CALN1: variants seen among roughly 807,000 people sequenced by gnomAD.
CALN1 encodes calcium-binding protein 8.
CALN1 carries 17 observed loss-of-function variants against 30.6 expected under a neutral mutation model. The observed-to-expected ratio is 0.56, with a 90% CI of 0.38 to 0.83. The LOEUF is 0.83. CALN1 is among the 40% of genes least tolerant of loss of function. The pLI is 0.00. For synonymous variants in CALN1, 156 were observed against 131.4 expected (o/e 1.19, Z -1.28); for missense variants, 291 against 354.9 (o/e 0.82, Z 1.45).
chr7:72,433,790 C>T (rs1808054765), intron 1 of CALN1, among the ~76,000 whole-genome samples: 1 of 152,126 alleles, frequency 6.6e-6, no homozygotes, highest in Admixed American at 6.6e-5. Context: ...GGAGGCGGGG[C>T]ACAGTGGATC....
chr7:72,403,557 TAGAA>T, intron 1 of CALN1, 115 bp from the exon 2 acceptor site: 1 of 474,470 alleles, frequency 2.1e-6, no homozygotes. Flanking sequence ...AGGACAATGG[TAGAA>T]ACACAATCCT....
Position 72,366,253 on chromosome 7 carries a change from A to C in CALN1, c.119+36998T>G, listed in dbSNP as rs187272177. Among the ~76,000 whole-genome samples, 270 of 152,006 alleles carry C rather than the reference A, an allele frequency of 1.8e-3. 1 individual carries two copies. Among genetic ancestry groups the C allele is most frequent in the Admixed American group, 2.3e-3 (35 of 15,250 alleles). ...CAGTGGCGCCATCTCAGCTCAATGC[A>C]ACCTCCACCTCCCAGGTTCAAGTGA... On this transcript the variant is annotated intron_variant, in intron 2 of 6. Transcript: ENST00000395275.
At chr7:72,376,448 G>A (rs749728639) in intron 2 of CALN1, among the ~76,000 whole-genome samples, 2 of 152,128 alleles carry the variant, frequency 1.3e-5, no homozygotes, top group Non-Finnish European at 2.9e-5. Context: ...GTTTTGATTT[G>A]TATTTCTCTA....
chr7:72,172,761 T>G (rs1390729625), intron 3 of CALN1, among the ~76,000 whole-genome samples: 1 of 152,184 alleles, frequency 6.6e-6, no homozygotes, highest in Admixed American at 6.5e-5. Flanking sequence ...GTATAATCTC[T>G]CAGCAAATTA....
intron 3 of CALN1, among the ~76,000 whole-genome samples, chr7:72,124,785 CAAAT>C (rs1233561721): frequency 1.4e-5 from 2 of 144,820 alleles, no homozygotes; most frequent in African/African-American, 5.1e-5. Context: ...AGAAAAAAAA[CAAAT>C]GAACTGACCT....
chr7:71,865,723 G>T lies in CALN1; in HGVS notation c.502-55231C>A, dbSNP rs912471791. ...TGGTAATATTTCACATCTCATCTAG[G>T]TGCTGTTTAGTCAAGGGTATTGAGT... On this transcript the variant is annotated intron_variant, in intron 5 of 6. Transcript: ENST00000395275. Among the ~76,000 whole-genome samples the T allele has an allele frequency of 5.3e-5, 8 of 152,222 alleles. No individual in the cohort carries two copies. In the East Asian group the frequency reaches 1.5e-3, roughly 29 times the overall value.
At chr7:72,112,185 G>A (rs1009189427) in intron 3 of CALN1, among the ~76,000 whole-genome samples, 2 of 152,152 alleles carry the variant, frequency 1.3e-5, no homozygotes, top group African/African-American at 2.4e-5. Flanking sequence ...ATCGCAGGGA[G>A]GAGACTCATT....
At chr7:72,150,672 G>GCTA (rs897382735) in intron 3 of CALN1, among the ~76,000 whole-genome samples, 19 of 152,144 alleles carry the variant, frequency 1.2e-4, no homozygotes, top group Admixed American at 2.0e-4. Flanking sequence ...GCTGAGAAAG[G>GCTA]CTACATTGGG....
chr7:72,043,633 T>C (rs913066644), intron 4 of CALN1, among the ~76,000 whole-genome samples: 2 of 151,964 alleles, frequency 1.3e-5, no homozygotes, highest in Non-Finnish European at 2.9e-5. Context: ...TGGCCAGGCA[T>C]GATGTCACTA....
chr7:72,147,046 A>ACATAGG (rs1444491364), intron 3 of CALN1, among the ~76,000 whole-genome samples: 1 of 152,246 alleles, frequency 6.6e-6, no homozygotes, highest in Non-Finnish European at 1.5e-5. Context: ...ACCATTCAGG[A>ACATAGG]CATAGGCATA....
At position 72,403,372 on chromosome 7, in the gene CALN1, G is replaced by T; in HGVS notation, c.-3C>A. Reference sequence around the variant, plus strand: ...CCGGGTTGCTCTGGCAGCCGCATCGGGGGTCCAGGGCGATGTTCTCAGAGA... The same window carrying T: ...CCGGGTTGCTCTGGCAGCCGCATCGTGGGTCCAGGGCGATGTTCTCAGAGA... On this transcript the variant is annotated 5_prime_UTR_variant, in exon 2 of 7. Coordinates refer to ENST00000395275, the MANE Select transcript of CALN1 (RefSeq NM_031468.4). 6.5e-7 allele frequency: 1 copy of T among 1,544,290 alleles called. No homozygotes were observed. Among genetic ancestry groups the T allele is most frequent in the Non-Finnish European group, 8.7e-7 (1 of 1,145,502 alleles).
At chr7:71,921,528 A>C (rs1427406544) in intron 5 of CALN1, among the ~76,000 whole-genome samples, 2 of 152,216 alleles carry the variant, frequency 1.3e-5, no homozygotes, top group African/African-American at 4.8e-5. Flanking sequence ...AAGAGAAAGA[A>C]GAAGACAAAA....
chr7:72,319,090 T>C (rs896698588), intron 2 of CALN1, among the ~76,000 whole-genome samples: 1 of 152,196 alleles, frequency 6.6e-6, no homozygotes, highest in Non-Finnish European at 1.5e-5. Context: ...CCCATATGTT[T>C]ATCCAAGCAC....
At chr7:72,392,747 G>A (rs561204551) in intron 2 of CALN1, among the ~76,000 whole-genome samples, 254 of 152,194 alleles carry the variant, frequency 1.7e-3, no homozygotes, top group African/African-American at 5.9e-3. Flanking sequence ...AAGCCAAGGT[G>A]GGAGGATTGC....
At chr7:72,292,820 C>CAAAAAAAAAAAA (rs57352664) in intron 2 of CALN1, among the ~76,000 whole-genome samples, 10 of 112,792 alleles carry the variant, frequency 8.9e-5, no homozygotes, top group African/African-American at 3.0e-4. Context: ...TACTCTGTCT[C>CAAAAAAAAAAAA]AAAAAAAAAA....
intron 5 of CALN1, among the ~76,000 whole-genome samples, chr7:71,873,644 G>A (rs554944268): frequency 6.6e-6 from 1 of 152,336 alleles, no homozygotes; most frequent in East Asian, 1.9e-4. Context: ...TGCAGTGCTT[G>A]TTTAAAACAA....
rs1451305897 is a variant in CALN1, at chr7:71,784,541, T to C, written c.*3234A>G. 3.1e-6 allele frequency: 1 copy of C among 325,786 alleles called. No individual in the cohort carries two copies. Among genetic ancestry groups the C allele is most frequent in the Non-Finnish European group, 5.5e-6 (1 of 181,006 alleles). The allele number at this position is 325,786 out of a possible 1,614,324, so 20.2% of individuals were successfully genotyped here. A position where few individuals can be genotyped will look rare whatever the true frequency, so the allele number is the denominator to read the frequency against. On this transcript the variant is annotated 3_prime_UTR_variant, in exon 7 of 7. Transcript: ENST00000395275. ...GGGGCTTTGTGGGTATCTGGAAAGG[T>C]GGGGCGCAGCTTCTTTGGGGATCAA...
chr7:71,836,403 G>A (rs1420150423), intron 5 of CALN1, among the ~76,000 whole-genome samples: 4 of 152,288 alleles, frequency 2.6e-5, no homozygotes, highest in Non-Finnish European at 5.9e-5. Context: ...GAATAAAAGG[G>A]AGGAAAAGAC....
At chr7:71,921,707 G>C (rs1794954961) in intron 5 of CALN1, among the ~76,000 whole-genome samples, 1 of 152,104 alleles carries the variant, frequency 6.6e-6, no homozygotes, top group South Asian at 2.1e-4. Flanking sequence ...GAAGAAATCT[G>C]AATCTGCAGA....
Sources: allele counts gnomAD v4.1 joint callset (sites outside exome capture counted in the v4.1 genomes callset), GRCh38; gene constraint gnomAD v4.1.1; transcripts MANE v1.5; gene names NCBI Gene and HGNC (gene_info 2026-07-23, HGNC 2026-07-21).